The following STK31 variants were observed in gnomAD, a reference collection of about 807,000 sequenced individuals.
STK31 encodes serine/threonine-protein kinase 31.
Under a neutral mutation model 129.7 loss-of-function variants are expected in STK31, and 89 were observed. The ratio of observed to expected loss-of-function variants is 0.69; its 90% CI spans 0.58 to 0.82. The LOEUF is 0.82. Ranked by LOEUF, STK31 falls within the 40% of genes least tolerant of loss-of-function variation. The probability of loss-of-function intolerance (pLI) is 0.00; values close to 1 mark genes in which losing one functional copy is unlikely to be tolerated. For synonymous variants in STK31, 448 were observed against 395.3 expected, an observed-to-expected ratio of 1.13 and a Z score of -1.58; for missense variants, 1,187 against 1,176.4, an observed-to-expected ratio of 1.01 and a Z score of -0.13.
At chr7:23,825,754 C>G (rs1358497621) in intron 23 of STK31, among the ~76,000 whole-genome samples, 1 of 152,128 alleles carries the variant, frequency 6.6e-6, no homozygotes. Flanking sequence ...ACATTTCCCT[C>G]TACACACTGC....
At chr7:23,820,073 C>T (rs935740880) in intron 23 of STK31, among the ~76,000 whole-genome samples, 1 of 152,134 alleles carries the variant, frequency 6.6e-6, no homozygotes, top group Non-Finnish European at 1.5e-5. Flanking sequence ...TTTATTTGTT[C>T]GTATTTCACT....
At chr7:23,824,474 C>T (rs1379739550) in intron 23 of STK31, among the ~76,000 whole-genome samples, 1 of 152,136 alleles carries the variant, frequency 6.6e-6, no homozygotes, top group Non-Finnish European at 1.5e-5. Flanking sequence ...GCTGAAGTTG[C>T]TTATCAGCTT....
At chr7:23,752,182 G>A (rs1788751397) in intron 8 of STK31, among the ~76,000 whole-genome samples, 1 of 152,018 alleles carries the variant, frequency 6.6e-6, no homozygotes, top group Admixed American at 6.6e-5. Context: ...ACCAAAAAAA[G>A]ATGATGAATG....
chr7:23,826,677 C>T (rs1008963520), intron 23 of STK31, among the ~76,000 whole-genome samples: 1 of 152,130 alleles, frequency 6.6e-6, no homozygotes, highest in Non-Finnish European at 1.5e-5. Context: ...TTAGTTGATG[C>T]AGTTTCTTCC....
chr7:23,802,943 T>A (rs1261836267), intron 22 of STK31, among the ~76,000 whole-genome samples: 1 of 152,242 alleles, frequency 6.6e-6, no homozygotes, highest in Non-Finnish European at 1.5e-5. Flanking sequence ...ATTGAGCCTT[T>A]AATTTGTGAA....
intron 10 of STK31, among the ~76,000 whole-genome samples, chr7:23,761,473 T>C (rs1789457309): frequency 6.6e-6 from 1 of 150,464 alleles, no homozygotes; most frequent in African/African-American, 2.5e-5. Context: ...CAGGCCGGAG[T>C]GCAGTGGTGT....
chr7:23,738,702 C>A (rs971608309), intron 8 of STK31, among the ~76,000 whole-genome samples: 1 of 152,116 alleles, frequency 6.6e-6, no homozygotes, highest in Non-Finnish European at 1.5e-5. Context: ...ATTACAGGCA[C>A]CCGCCGCCAT....
chr7:23,783,114 C>T (rs1027134920), intron 16 of STK31, among the ~76,000 whole-genome samples: 2 of 151,870 alleles, frequency 1.3e-5, no homozygotes, highest in Admixed American at 1.3e-4. Context: ...AATTAATAGA[C>T]GAAAAAAGGA....
chr7:23,819,748 T>C (rs932764553), intron 23 of STK31, among the ~76,000 whole-genome samples: 6 of 152,148 alleles, frequency 3.9e-5, no homozygotes, highest in Admixed American at 2.0e-4. Context: ...GGAGTAATCA[T>C]AAGAGGCAAA....
At position 23,766,473 on chromosome 7, in the gene STK31, C is replaced by T. The variant is rs150644913; in HGVS notation, c.1417-2522C>T. The stretch of plus-strand genomic sequence containing the variant: ...TTCACGATGTTGGCCGGGCTGGTCT[C>T]GAACTTCTGACCTCGAGTGATCCGC... On this transcript the variant is annotated intron_variant, in intron 11 of 23. Coordinates refer to ENST00000355870, the MANE Select transcript of STK31 (RefSeq NM_031414.5). 2.7e-4 allele frequency among the ~76,000 whole-genome samples: 41 copies of T among 152,218 alleles called. 1 individual carries two copies. In the East Asian group the frequency reaches 6.0e-3, roughly 22 times the overall value.
chr7:23,798,668 G>A (rs1278643369), intron 22 of STK31, among the ~76,000 whole-genome samples: 1 of 152,162 alleles, frequency 6.6e-6, no homozygotes, highest in Non-Finnish European at 1.5e-5. Context: ...AAAACTGGAA[G>A]CATTCCCTTG....
chr7:23,767,667 A>C (rs573504169), intron 11 of STK31, among the ~76,000 whole-genome samples: 30 of 152,238 alleles, frequency 2.0e-4, no homozygotes, highest in Non-Finnish European at 3.4e-4. Flanking sequence ...TTTTTGCCTC[A>C]TCTGTGTTCT....
chr7:23,780,138 T>G (rs969812480), intron 15 of STK31, among the ~76,000 whole-genome samples: 2 of 152,126 alleles, frequency 1.3e-5, no homozygotes, highest in African/African-American at 4.8e-5. Context: ...CTCCCCACCC[T>G]GCTTTTGCTT....
In STK31 at chr7:23,729,154, A is replaced by G; in HGVS notation, c.388A>G (p.Ile130Val). The G allele has an allele frequency of 1.2e-6, 2 of 1,612,104 alleles. No individual in the cohort carries two copies. The highest frequency in any genetic ancestry group is 1.1e-5 in the South Asian group (1 of 90,920). ...EILNRSDIVE[I>V]PLELQFSSVA... is the part of the protein sequence containing the mutation. Reference sequence around the variant, plus strand: ...TCTAAATCGATCTGATATAGTTGAAATTCCTTTGGAGCTGCAGTTTTCTAG... The same window carrying G: ...TCTAAATCGATCTGATATAGTTGAAGTTCCTTTGGAGCTGCAGTTTTCTAG... Residue 130 changes from isoleucine to valine, a missense_variant, in exon 6 of 24, where the codon ATT (isoleucine) becomes GTT (valine). Physicochemically the swap from Ile to Val is conservative, Grantham distance 29 (BLOSUM62 3). Transcript: ENST00000355870.
intron 4 of STK31, chr7:23,726,108 T>A (rs538845449): frequency 6.6e-6 from 1 of 152,172 alleles, no homozygotes; most frequent in Non-Finnish European, 1.5e-5. Flanking sequence ...CCCTCCAACA[T>A]TGGGAATCAG....
intron 22 of STK31, among the ~76,000 whole-genome samples, chr7:23,793,744 T>C (rs1238022792): frequency 6.6e-6 from 1 of 152,204 alleles, no homozygotes; most frequent in Non-Finnish European, 1.5e-5. Flanking sequence ...AACGGTTGCT[T>C]AGATCTGTTG....
At chr7:23,745,000 G>C (rs1788263949) in intron 8 of STK31, among the ~76,000 whole-genome samples, 1 of 152,194 alleles carries the variant, frequency 6.6e-6, no homozygotes, top group African/African-American at 2.4e-5. Flanking sequence ...CTCTTAGGCA[G>C]TGGGCACGAT....
At chr7:23,777,416 C>G (rs1025812922) in intron 15 of STK31, among the ~76,000 whole-genome samples, 3 of 151,484 alleles carry the variant, frequency 2.0e-5, no homozygotes, top group Admixed American at 1.3e-4. Context: ...TAGTCTAATA[C>G]TGACAGTAGG....
At chr7:23,713,871 A>AT (rs1554282075) in intron 3 of STK31, among the ~76,000 whole-genome samples, 24 of 151,116 alleles carry the variant, frequency 1.6e-4, no homozygotes, top group East Asian at 9.7e-4. Flanking sequence ...AGTAAAAAAA[A>AT]ATATATATAT....
Sources: gnomAD v4.1 joint callset for allele counts (sites outside exome capture counted in the v4.1 genomes callset) on GRCh38, gnomAD v4.1.1 for gene constraint, MANE v1.5 for transcripts, NCBI Gene and HGNC (gene_info 2026-07-23, HGNC 2026-07-21) for gene names.